The following PRRT1 variants were observed in gnomAD, a reference collection of about 807,000 sequenced individuals.
PRRT1 encodes the protein proline-rich transmembrane protein 1.
In PRRT1, 8 loss-of-function variants were observed where a neutral mutation model predicts 22.6. That is an observed-to-expected ratio of 0.35 (90% CI 0.21 to 0.64). The LOEUF (loss-of-function observed/expected upper bound fraction) is 0.64, where lower values mean the gene tolerates loss of function less well. Ranked by LOEUF, PRRT1 falls within the 30% of genes least tolerant of loss-of-function variation. The probability of loss-of-function intolerance (pLI) is 0.69; values close to 1 mark genes in which losing one functional copy is unlikely to be tolerated. For synonymous variants in PRRT1, 176 were observed against 203.6 expected, an observed-to-expected ratio of 0.86 and a Z score of 1.15; for missense variants, 315 against 444.5, an observed-to-expected ratio of 0.71 and a Z score of 2.62.
chr6:32,148,893 G>A lies in PRRT1; in HGVS notation c.*329C>T, dbSNP rs1192101894. 1 of 621,086 alleles carries A rather than the reference G, an allele frequency of 1.6e-6. No homozygotes were observed. Among genetic ancestry groups the A allele is most frequent in the Non-Finnish European group, 3.0e-6 (1 of 333,238 alleles). 38.5% of individuals were successfully genotyped at this position (621,086 alleles called of 1,614,324 possible). A position where few individuals can be genotyped will look rare whatever the true frequency, so the allele number is the denominator to read the frequency against. On this transcript the variant is annotated 3_prime_UTR_variant, in exon 4 of 4. Transcript: ENST00000211413. The surrounding 1 kb of genome is among the most constrained non-coding windows in gnomAD (Gnocchi z 5.7). ...AGCTGGGGCGGTGCTTATAGAGGAG[G>A]CGGGGTTTTAGGGACCAAACCGAGG...
chr6:32,152,081 T>G (rs1783351833), upstream of PRRT1: 3 of 701,860 alleles, frequency 4.3e-6, no homozygotes, highest in African/African-American at 1.8e-5. Context: ...GGACCACCTC[T>G]CTCCTCCTCT....
At position 32,149,525 on chromosome 6, in the gene PRRT1, C is replaced by T. The variant is rs1462750112; in HGVS notation, c.744+12G>A. ...TCCCCGCCCCCAAACCGAGTATGCCCCTGCCCCCTACCTGCACGGCCTTGA... is the reference window on the plus strand; with the variant it reads ...TCCCCGCCCCCAAACCGAGTATGCCTCTGCCCCCTACCTGCACGGCCTTGA... On this transcript the variant is annotated intron_variant, in intron 3 of 3. Transcript: ENST00000211413. The surrounding 1 kb of genome is among the most constrained non-coding windows in gnomAD (Gnocchi z 8.7). 6.2e-7 allele frequency: 1 copy of T among 1,612,850 alleles called. No homozygotes were observed. The highest frequency in any genetic ancestry group is 1.3e-5 in the African/African-American group (1 of 74,940).
Position 32,150,366 on chromosome 6 carries a change from A to ACCGTGC in PRRT1, c.554_558+1dup. 5.1e-6 allele frequency: 8 copies of ACCGTGC among 1,554,942 alleles called. No homozygotes were observed. Among genetic ancestry groups the ACCGTGC allele is most frequent in the Non-Finnish European group, 6.9e-6 (8 of 1,157,756 alleles). On this transcript the variant is annotated splice_donor_variant, in intron 2 of 3. Coordinates refer to ENST00000211413, the MANE Select transcript of PRRT1 (RefSeq NM_030651.4). LOFTEE classifies it high-confidence loss of function. The surrounding 1 kb of genome is among the most constrained non-coding windows in gnomAD (Gnocchi z 7.2). ...CCATGTCCCTGTCTGCCCGGCACTC[A>ACCGTGC]CCGTGCCCACCGGGTAGACCGGCAC...
intron 1 of PRRT1, chr6:32,151,326 A>G: frequency 2.3e-6 from 1 of 434,088 alleles, no homozygotes; most frequent in Non-Finnish European, 4.3e-6. Flanking sequence ...CACATGTGGG[A>G]TGACATGTGT....
At chr6:32,152,216 C>T (rs568603524), upstream of PRRT1, 2 of 578,392 alleles carry the variant, frequency 3.5e-6, no homozygotes, top group South Asian at 1.5e-5. Flanking sequence ...GAGTCTCCCC[C>T]ACCAAGACTC....
intron 1 of PRRT1, chr6:32,151,368 A>T: frequency 2.4e-6 from 1 of 409,874 alleles, no homozygotes; most frequent in East Asian, 5.4e-5. Flanking sequence ...TGGGGGGAGG[A>T]GTGCCCCAGC....
In PRRT1 at chr6:32,151,927, G is replaced by A. The variant is rs1389615679; in HGVS notation, c.-100C>T. The A allele has an allele frequency of 1.7e-6, 1 of 595,994 alleles. No homozygotes were observed. Among genetic ancestry groups the A allele is most frequent in the Non-Finnish European group, 3.1e-6 (1 of 326,660 alleles). The allele number at this position is 595,994 out of a possible 1,614,324, so 36.9% of individuals were successfully genotyped here. A position where few individuals can be genotyped will look rare whatever the true frequency, so the allele number is the denominator to read the frequency against. On this transcript the variant is annotated 5_prime_UTR_variant, in exon 1 of 4. Coordinates refer to ENST00000211413, the MANE Select transcript of PRRT1 (RefSeq NM_030651.4). ...GGATGGCGCAGCCGGCAGCAGCGCA[G>A]AGATGGAGAGATGAAGGCAGCGGCG...
chr6:32,151,464 T>C (rs947996436), intron 1 of PRRT1: 14 of 470,922 alleles, frequency 3.0e-5, no homozygotes, highest in Non-Finnish European at 5.4e-5. Context: ...CATCTGGTCA[T>C]GTCTCCATAT....
chr6:32,151,994 G>C (rs1382775617), upstream of PRRT1: 4 of 379,078 alleles, frequency 1.1e-5, no homozygotes, highest in East Asian at 9.4e-5. Flanking sequence ...AGAGCGGGGA[G>C]GGGGGGAGCT....
At chr6:32,151,961 G>GT, upstream of PRRT1, 2 of 303,110 alleles carry the variant, frequency 6.6e-6, no homozygotes, top group Admixed American at 7.4e-5. Context: ...CGGGGGGGGG[G>GT]GGCGGGGGGG....
At chr6:32,151,137 T>C (rs1048903568) in intron 1 of PRRT1, 1 of 696,194 alleles carries the variant, frequency 1.4e-6, no homozygotes, top group Non-Finnish European at 2.6e-6. Flanking sequence ...GTCACAACTC[T>C]GGTCTGCTTC....
Position 32,149,701 on chromosome 6 carries a change from C to T in PRRT1, c.580G>A (p.Gly194Arg), listed in dbSNP as rs202121702. The change falls in exon 3 of 4, where the codon GGG becomes AGG. Residue 194 changes from glycine (G) to arginine (R), a missense_variant. Around this residue, in one of 4 missense-constraint regions of PRRT1, gnomAD observed 263 missense variants for 328.5 expected, o/e 0.80. Coordinates refer to ENST00000211413, the MANE Select transcript of PRRT1 (RefSeq NM_030651.4). This position sits in a 1 kb window ranked among gnomAD's most constrained non-coding sequence, Gnocchi z 8.7. ...AGAGTGGAGGTCACTCCTGTTCCCC[C>T]CGGGGTCCCGCCTGCATATGGCTGT... ...VGTPYAGGTP[G>R]GTGVTSTLPP... 124 of 1,596,618 alleles carry T rather than the reference C, an allele frequency of 7.8e-5. 2 individuals carry two copies. Among genetic ancestry groups the T allele is most frequent in the Non-Finnish European group, 4.3e-6 (5 of 1,171,802 alleles).
At chr6:32,152,000 G>GGGGGGGGGGGGGGGGGGC, upstream of PRRT1, 1 of 350,442 alleles carries the variant, frequency 2.9e-6, no homozygotes, top group Non-Finnish European at 5.7e-6. Flanking sequence ...GGGAGGGGGG[G>GGGGGGGGGGGGGGGGGGC]AGCTTAAAGG....
upstream of PRRT1, chr6:32,151,999 G>GGGGGT: frequency 1.1e-5 from 4 of 371,714 alleles, no homozygotes; most frequent in Admixed American, 5.6e-5. Flanking sequence ...GGGGAGGGGG[G>GGGGGT]GAGCTTAAAG....
At chr6:32,151,496 G>A (rs1487933508) in intron 1 of PRRT1, 11 of 519,510 alleles carry the variant, frequency 2.1e-5, no homozygotes, top group Non-Finnish European at 3.4e-5. Context: ...ATGTCTCCAT[G>A]CCAGCCAGTG....
upstream of PRRT1, chr6:32,152,092 T>G: frequency 1.4e-5 from 10 of 694,130 alleles, no homozygotes; most frequent in East Asian, 2.9e-5. Context: ...CTCCTCCTCT[T>G]ACCCCGGCAT....
upstream of PRRT1, chr6:32,152,044 T>C: frequency 1.5e-6 from 1 of 646,478 alleles, no homozygotes; most frequent in African/African-American, 1.8e-5. Context: ...GCTTCAGATG[T>C]TTCCCACTCG....
Position 32,149,901 on chromosome 6 carries a change from C to T in PRRT1, c.559-179G>A. 1.7e-6 allele frequency: 1 copy of T among 582,474 alleles called. No homozygotes were observed. Among genetic ancestry groups the T allele is most frequent in the Non-Finnish European group, 3.0e-6 (1 of 330,528 alleles). The allele number at this position is 582,474 out of a possible 1,614,324, so 36.1% of individuals were successfully genotyped here. A position where few individuals can be genotyped will look rare whatever the true frequency, so the allele number is the denominator to read the frequency against. ...TCCACCTAAGCCCCTCTCCTCCCTT[C>T]CTTGCTTCATTAACCACCATATTCT... is the stretch of plus-strand genomic sequence containing the variant. On this transcript the variant is annotated intron_variant, in intron 2 of 3. Transcript: ENST00000211413. This position sits in a 1 kb window ranked among gnomAD's most constrained non-coding sequence, Gnocchi z 8.7.
chr6:32,151,980 A>AGGGGGGGG, upstream of PRRT1: 9 of 78,258 alleles, frequency 1.2e-4, no homozygotes, highest in South Asian at 1.6e-4. Flanking sequence ...GGGCGGGCGG[A>AGGGGGGGG]GGGAGAGCGG....
Sources: gnomAD v4.1 joint callset for allele counts on GRCh38, gnomAD v4.1.1 for gene constraint, gnomAD v4.1.1 regional missense constraint, Gnocchi (gnomAD v3.1) non-coding constraint, MANE v1.5 for transcripts, NCBI Gene and HGNC (gene_info 2026-07-23, HGNC 2026-07-21) for gene names.